Variants in CELSR3 observed in about 807,000 individuals in gnomAD.
CELSR3 encodes EGF-like protein 1.
In CELSR3, 73 loss-of-function variants were observed where a neutral mutation model predicts 270.0. The observed-to-expected ratio is 0.27, with a 90% confidence interval of 0.22 to 0.33. CELSR3 has a LOEUF of 0.33. CELSR3 is among the 10% of genes least tolerant of loss of function. The pLI, the probability that CELSR3 is intolerant of heterozygous loss-of-function variation, is 1.00. For missense variants in CELSR3, 3,614 were observed against 4,533.8 expected, an observed-to-expected ratio of 0.80 and a Z score of 5.83; for synonymous variants, 1,780 against 1,905.4, an observed-to-expected ratio of 0.93 and a Z score of 1.71.
rs748297761 is a variant in CELSR3, at chr3:48,660,376, C to A, written c.2259G>T (p.Arg753=). 1.2e-6 allele frequency: 2 copies of A among 1,614,110 alleles called. No individual in the cohort carries two copies. The highest frequency in any genetic ancestry group is 8.5e-7 in the Non-Finnish European group (1 of 1,180,032). ...TVTVLDVNDN[R]PEFTMKEYHL... Reference sequence around the variant, plus strand: ...GGTACTCCTTCATTGTGAACTCAGGCCGATTGTCATTAACGTCCAGCACAG... The same window carrying A: ...GGTACTCCTTCATTGTGAACTCAGGACGATTGTCATTAACGTCCAGCACAG... Residue 753 remains arginine, a synonymous_variant, in exon 1 of 35, where the codon CGG becomes CGT. Transcript: ENST00000164024. The surrounding 1 kb of genome is among the most constrained non-coding windows in gnomAD (Gnocchi z 5.5).
At position 48,656,224 on chromosome 3, in the gene CELSR3, T is replaced by A; in HGVS notation, c.4541A>T (p.Glu1514Val). 6.5e-7 allele frequency: 1 copy of A among 1,536,010 alleles called. No homozygotes were observed. The highest frequency in any genetic ancestry group is 8.7e-7 in the Non-Finnish European group (1 of 1,146,980). ...AGGAFEGPRC[E>V]VAARSFPPSS... ...GGGCGGGAAGGAGCGCGCAGCCACC[T>A]CGCAGCGCGGGCCCTCGAAGGCGCC... Residue 1514 changes from glutamate (E) to valine (V), a missense_variant, in exon 3 of 35, where the codon GAG (glutamate) becomes GTG (valine). Physicochemically the swap from Glu to Val is moderately radical, Grantham distance 121. Coordinates refer to ENST00000164024, the MANE Select transcript of CELSR3 (RefSeq NM_001407.3).
chr3:48,652,956 TG>T lies in CELSR3; in HGVS notation c.5634+45del. ...GAGGTGGGGTCAAATAAGGCGGATCTGGTTGGAAGGCTGAGAACAGACTACC... is the reference window on the plus strand; with the variant it reads ...GAGGTGGGGTCAAATAAGGCGGATCTGTTGGAAGGCTGAGAACAGACTACC... On this transcript the variant is annotated intron_variant, in intron 10 of 34. Coordinates refer to ENST00000164024, the MANE Select transcript of CELSR3 (RefSeq NM_001407.3). The surrounding 1 kb of genome is among the most constrained non-coding windows in gnomAD (Gnocchi z 4.3). The T allele has an allele frequency of 6.5e-7, 1 of 1,544,318 alleles. No individual in the cohort carries two copies. The highest frequency in any genetic ancestry group is 8.9e-7 in the Non-Finnish European group (1 of 1,122,694).
chr3:48,652,595 G>A lies in CELSR3; in HGVS notation c.5635-42C>T, dbSNP rs2047147290. On this transcript the variant is annotated intron_variant, in intron 10 of 34. Coordinates refer to ENST00000164024, the MANE Select transcript of CELSR3 (RefSeq NM_001407.3). This position sits in a 1 kb window ranked among gnomAD's most constrained non-coding sequence, Gnocchi z 4.3. The stretch of plus-strand genomic sequence containing the variant: ...AGTCAGCACTGAGGGAGAGGGGCCT[G>A]ATGAACCCCTGTCATAGCCCAGAGT... 6.9e-7 allele frequency: 1 copy of A among 1,458,706 alleles called. No individual in the cohort carries two copies. The highest frequency in any genetic ancestry group is 9.4e-7 in the Non-Finnish European group (1 of 1,061,514). The allele number at this position is 1,458,706 out of a possible 1,614,324, so 90.4% of individuals were successfully genotyped here. A position where few individuals can be genotyped will look rare whatever the true frequency, so the allele number is the denominator to read the frequency against.
In CELSR3 at chr3:48,659,088, G is replaced by T. The variant is rs150368002; in HGVS notation, c.3547C>A (p.Arg1183Ser). 3.0e-5 allele frequency: 48 copies of T among 1,614,084 alleles called. No homozygotes were observed. Among genetic ancestry groups the T allele is most frequent in the Non-Finnish European group, 3.9e-5 (46 of 1,180,050 alleles). ...QILFNNYVSN[R>S]SDTFPSGIIG... is the part of the protein sequence containing the mutation. ...ATGCCCGACGGGAAGGTGTCTGAAC[G>T]GTTGGATACATAGTTGTTGAAGAGG... Residue 1183 changes from arginine (R) to serine (S), a missense_variant, in exon 1 of 35, where the codon CGT becomes AGT. By Grantham distance (110) the Arg-to-Ser change is moderately radical (BLOSUM62 -1). Coordinates refer to ENST00000164024, the MANE Select transcript of CELSR3 (RefSeq NM_001407.3). This position sits in a 1 kb window ranked among gnomAD's most constrained non-coding sequence, Gnocchi z 8.1.
Position 48,655,874 on chromosome 3 carries a change from G to A in CELSR3, c.4626-23C>T, listed in dbSNP as rs773245939. 1 of 1,317,166 alleles carries A rather than the reference G, an allele frequency of 7.6e-7. No homozygotes were observed. Among genetic ancestry groups the A allele is most frequent in the Non-Finnish European group, 1.1e-6 (1 of 923,520 alleles). 81.6% of individuals were successfully genotyped at this position (1,317,166 alleles called of 1,614,324 possible). A position where few individuals can be genotyped will look rare whatever the true frequency, so the allele number is the denominator to read the frequency against. On this transcript the variant is annotated intron_variant, in intron 3 of 34. Transcript: ENST00000164024. This position sits in a 1 kb window ranked among gnomAD's most constrained non-coding sequence, Gnocchi z 5.8. Reference sequence around the variant, plus strand: ...AACCTGGGCGGGGTGGGAGGGGGTTGCGGGGGTGGGAGCGTCAGGAGCAGG... The same window carrying A: ...AACCTGGGCGGGGTGGGAGGGGGTTACGGGGGTGGGAGCGTCAGGAGCAGG...
At chr3:48,638,867 C>T (rs1033081493) in intron 34 of CELSR3, among the ~76,000 whole-genome samples, 1 of 151,786 alleles carries the variant, frequency 6.6e-6, no homozygotes, top group Non-Finnish European at 1.5e-5. Flanking sequence ...TCAGTTCTGT[C>T]GATCCCCTGC....
Position 48,660,779 on chromosome 3 carries a change from C to T in CELSR3, c.1856G>A (p.Arg619His), listed in dbSNP as rs1223302859. The change falls in exon 1 of 35, where the codon CGC (arginine) becomes CAC (histidine). Residue 619 changes from arginine (R) to histidine (H), a missense_variant. Coordinates refer to ENST00000164024, the MANE Select transcript of CELSR3 (RefSeq NM_001407.3). The surrounding 1 kb of genome is among the most constrained non-coding windows in gnomAD (Gnocchi z 5.5). Reference sequence around the variant, plus strand: ...CCGGCCAGCATCCTGCGCCCTGATGCGCAAGGCATACTCTCTCTCTGCCTC... The same window carrying T: ...CCGGCCAGCATCCTGCGCCCTGATGTGCAAGGCATACTCTCTCTCTGCCTC... ...DFEAEREYAL[R>H]IRAQDAGRPP... 5.6e-6 allele frequency: 9 copies of T among 1,613,966 alleles called. No individual in the cohort carries two copies. The highest frequency in any genetic ancestry group is 4.0e-5 in the African/African-American group (3 of 74,934).
chr3:48,662,003 G>C lies in CELSR3; in HGVS notation c.632C>G (p.Thr211Arg), dbSNP rs1559483020. 1 of 1,614,080 alleles carries C rather than the reference G, an allele frequency of 6.2e-7. No individual in the cohort carries two copies. The highest frequency in any genetic ancestry group is 8.5e-7 in the Non-Finnish European group (1 of 1,180,040). Residue 211 changes from threonine (T) to arginine (R), a missense_variant, in exon 1 of 35, where the codon ACA (threonine) becomes AGA (arginine). This residue lies in a region of CELSR3 where 470 missense variants were observed against 469.7 expected (regional missense o/e 1.00). Transcript: ENST00000164024. This position sits in a 1 kb window ranked among gnomAD's most constrained non-coding sequence, Gnocchi z 7.1. ...TARCCGELWA[T>R]GSKGQGERAT... ...TCTCTCGCCCTGACCCTTGCTCCCT[G>C]TTGCCCATAATTCCCCACAGCAGCG...
chr3:48,649,068 A>C, intron 17 of CELSR3, 53 bp downstream of exon 17: 1 of 1,567,074 alleles, frequency 6.4e-7, no homozygotes, highest in South Asian at 1.1e-5. Flanking sequence ...TCTGGGGCCC[A>C]CCACAGGCCA....
In CELSR3 at chr3:48,651,965, A is replaced by G. The variant is rs763027907; in HGVS notation, c.5835T>C (p.Val1945=). Residue 1945 remains valine (V), a synonymous_variant, in exon 12 of 35, where the codon GTT becomes GTC. Coordinates refer to ENST00000164024, the MANE Select transcript of CELSR3 (RefSeq NM_001407.3). This position sits in a 1 kb window ranked among gnomAD's most constrained non-coding sequence, Gnocchi z 7.4. The stretch of plus-strand genomic sequence containing the variant: ...GCCCAGAGGCACAGGCGTTGGTCAC[A>G]ACACAGCCAGGCTCCGCATTCACTC... ...SHRVNAEPGC[V]VTNACASGPC... 6.2e-7 allele frequency: 1 copy of G among 1,606,596 alleles called. No homozygotes were observed. The highest frequency in any genetic ancestry group is 8.5e-7 in the Non-Finnish European group (1 of 1,177,598).
Position 48,660,960 on chromosome 3 carries a change from G to A in CELSR3, c.1675C>T (p.Arg559Cys), listed in dbSNP as rs2077062277. ...ACGCGCAGCACGACTGTGTGGGGGC[G>A]CACATCCTCGCGCACCTGCGCCACG... is the stretch of plus-strand genomic sequence containing the variant. ...RYVAQVREDV[R>C]PHTVVLRVTA... Residue 559 changes from arginine (R) to cysteine (C), a missense_variant, in exon 1 of 35, where the codon CGC becomes TGC. Physicochemically the swap from Arg to Cys is radical, Grantham distance 180 (BLOSUM62 -3). Coordinates refer to ENST00000164024, the MANE Select transcript of CELSR3 (RefSeq NM_001407.3). The surrounding 1 kb of genome is among the most constrained non-coding windows in gnomAD (Gnocchi z 5.5). The A allele has an allele frequency of 6.2e-7, 1 of 1,613,848 alleles. No individual in the cohort carries two copies.
rs1269091633 is a variant in CELSR3 at position 48,656,711 on chromosome 3, G to A, written c.4386C>T (p.Arg1462=). The change falls in exon 2 of 35, where the codon CGC becomes CGT. Residue 1462 remains arginine, a synonymous_variant. Transcript: ENST00000164024. ...CGCCCTGCTCACCGGTGAAGCGCGG[G>A]CGGCAGACGCACGTGTAGCCTCCCT... ...RREGGYTCVC[R]PRFTGEDCEL... The A allele has an allele frequency of 5.4e-6, 8 of 1,493,386 alleles. No individual in the cohort carries two copies. The highest frequency in any genetic ancestry group is 7.1e-6 in the Non-Finnish European group (8 of 1,127,800). The allele number at this position is 1,493,386 out of a possible 1,614,324, so 92.5% of individuals were successfully genotyped here.
rs771756644 is a variant in CELSR3 at position 48,657,187 on chromosome 3, C to G, written c.3910G>C (p.Ala1304Pro). Residue 1304 changes from alanine to proline, a missense_variant, in exon 2 of 35, where the codon GCT (alanine) becomes CCT (proline). Ala to Pro is a conservative substitution (Grantham distance 27). Around this residue, in one of 7 missense-constraint regions of CELSR3, gnomAD observed 1,331 missense variants for 1,933.7 expected, o/e 0.69. Coordinates refer to ENST00000164024, the MANE Select transcript of CELSR3 (RefSeq NM_001407.3). This position sits in a 1 kb window ranked among gnomAD's most constrained non-coding sequence, Gnocchi z 5.4. ...RFLEGVAAVL[A>P]TPAEDVFIFN... is the part of the protein sequence containing the mutation. ...ATGAAGACGTCCTCAGCGGGCGTAGCGAGCACCGCAGCCACGCCCTCGAGG... is the reference window on the plus strand; with the variant it reads ...ATGAAGACGTCCTCAGCGGGCGTAGGGAGCACCGCAGCCACGCCCTCGAGG... 1.2e-6 allele frequency: 2 copies of G among 1,613,906 alleles called. No homozygotes were observed.
chr3:48,656,655 T>C, intron 2 of CELSR3, 43 bp downstream of exon 2: 1 of 1,449,988 alleles, frequency 6.9e-7, no homozygotes, highest in Non-Finnish European at 9.0e-7. Context: ...GCCCCCAGCC[T>C]TGGCCCGTGC....
rs1037800762 is a variant in CELSR3, at chr3:48,659,335, G to A, written c.3300C>T (p.Ala1100=). Residue 1100 remains alanine, a synonymous_variant, in exon 1 of 35, where the codon GCC becomes GCT. Coordinates refer to ENST00000164024, the MANE Select transcript of CELSR3 (RefSeq NM_001407.3). The surrounding 1 kb of genome is among the most constrained non-coding windows in gnomAD (Gnocchi z 8.1). ...TAVDPDEGPN[A]HIMYQIVEGN... ...CCTCCACGATCTGGTACATTATATG[G>A]GCATTGGGGCCTTCGTCAGGGTCCA... is the stretch of plus-strand genomic sequence containing the variant. 1.2e-6 allele frequency: 2 copies of A among 1,614,134 alleles called. No individual in the cohort carries two copies. Among genetic ancestry groups the A allele is most frequent in the African/African-American group, 1.3e-5 (1 of 75,002 alleles).
Position 48,661,688 on chromosome 3 carries a change from C to T in CELSR3, c.947G>A (p.Arg316His), listed in dbSNP as rs1475815306. The change falls in exon 1 of 35, where the codon CGT becomes CAT. Residue 316 changes from arginine (R) to histidine (H), a missense_variant. Physicochemically the swap from Arg to His is conservative, Grantham distance 29. Transcript: ENST00000164024. ...CTGCGGGTGGCGGTTTGCGGCGCGA[C>T]GAAAGCGTGCCCGGTTCGCCGAGGT... The part of the protein sequence containing the change: ...KVTSANRARF[R>H]RAANRHPQFP... 2 of 1,578,800 alleles carry T rather than the reference C, an allele frequency of 1.3e-6. No homozygotes were observed. The highest frequency in any genetic ancestry group is 2.3e-5 in the East Asian group (1 of 44,360).
rs764571281 is a variant in CELSR3 at position 48,642,928 on chromosome 3, C to A, written c.8406+39G>T. 5.6e-6 allele frequency: 9 copies of A among 1,610,730 alleles called. No homozygotes were observed. The highest frequency in any genetic ancestry group is 7.6e-6 in the Non-Finnish European group (9 of 1,178,264). On this transcript the variant is annotated intron_variant, in intron 29 of 34. Transcript: ENST00000164024. The surrounding 1 kb of genome is among the most constrained non-coding windows in gnomAD (Gnocchi z 6.1). ...GAGTGTGAGCTAACCCTGAAGCAGC[C>A]TAAAACTCTGGCTTCTCAGGGCCCC... is the stretch of plus-strand genomic sequence containing the variant.
intron 3 of CELSR3, 37 bp downstream of exon 3, chr3:48,656,103 C>T: frequency 1.9e-6 from 2 of 1,050,110 alleles, no homozygotes; most frequent in Non-Finnish European, 2.3e-6. Flanking sequence ...TAGGTGGGGG[C>T]GGCGGGGAGG....
rs1324053400 is a variant in CELSR3, at chr3:48,654,940, A to T, written c.4988+104T>A. 2.5e-6 allele frequency: 3 copies of T among 1,203,064 alleles called. No individual in the cohort carries two copies. Among genetic ancestry groups the T allele is most frequent in the Non-Finnish European group, 2.4e-6 (2 of 824,660 alleles). 74.5% of individuals were successfully genotyped at this position (1,203,064 alleles called of 1,614,324 possible). On this transcript the variant is annotated intron_variant, in intron 6 of 34. Coordinates refer to ENST00000164024, the MANE Select transcript of CELSR3 (RefSeq NM_001407.3). This position sits in a 1 kb window ranked among gnomAD's most constrained non-coding sequence, Gnocchi z 5.4. ...GAGGGGAATCTTGGTGGTTTGGGGGAAAGATGGGAGAGTTTGGCAGGATGG... is the reference window on the plus strand; with the variant it reads ...GAGGGGAATCTTGGTGGTTTGGGGGTAAGATGGGAGAGTTTGGCAGGATGG...
Sources: gnomAD v4.1 joint callset for allele counts (sites outside exome capture counted in the v4.1 genomes callset) on GRCh38, gnomAD v4.1.1 for gene constraint, gnomAD v4.1.1 regional missense constraint, Gnocchi (gnomAD v3.1) non-coding constraint, MANE v1.5 for transcripts, NCBI Gene and HGNC (gene_info 2026-07-23, HGNC 2026-07-21) for gene names.